Variants in TTC3 observed in about 807,000 individuals in gnomAD.
TTC3 encodes the protein tetratricopeptide repeat domain 3.
TTC3 carries 180 observed loss-of-function variants against 249.6 expected under a neutral mutation model. The ratio of observed to expected loss-of-function variants is 0.72; its 90% CI spans 0.64 to 0.82. The LOEUF is 0.82. Ranked by LOEUF, TTC3 falls within the 40% of genes least tolerant of loss-of-function variation. TTC3 has a pLI of 0.00. For missense variants in TTC3, 2,061 were observed against 2,398.4 expected (o/e 0.86, Z 2.94); for synonymous variants, 717 against 805.0 (o/e 0.89, Z 1.85).
At chr21:37,168,968 C>T (rs939449861) in intron 34 of TTC3, among the ~76,000 whole-genome samples, 1 of 152,168 alleles carries the variant, frequency 6.6e-6, no homozygotes, top group South Asian at 2.1e-4. Context: ...AGCTTCAGTT[C>T]CTTGCCTTGT....
At chr21:37,145,898 A>G (rs144147306) in intron 21 of TTC3, among the ~76,000 whole-genome samples, 1 of 152,316 alleles carries the variant, frequency 6.6e-6, no homozygotes, top group East Asian at 1.9e-4. Flanking sequence ...ATTCGTCGCC[A>G]TGACTCAAAA....
chr21:37,133,659 T>C (rs1285362040), intron 17 of TTC3, among the ~76,000 whole-genome samples: 2 of 152,178 alleles, frequency 1.3e-5, no homozygotes, highest in African/African-American at 4.8e-5. Flanking sequence ...GATTTCGGCC[T>C]GCTCTGCTGG....
intron 45 of TTC3, 50 bp downstream of exon 45, chr21:37,200,374 T>C: frequency 6.5e-7 from 1 of 1,545,374 alleles, no homozygotes; most frequent in Non-Finnish European, 8.9e-7. Flanking sequence ...GACCTTCAAA[T>C]ATTTTCAAAA....
intron 26 of TTC3, 133 bp from the exon 27 acceptor site, chr21:37,152,818 A>G: frequency 1.4e-6 from 1 of 708,884 alleles, no homozygotes; most frequent in Non-Finnish European, 2.1e-6. Flanking sequence ...TTCTAATTAA[A>G]GTTTCTTGAG....
At chr21:37,157,278 G>A in intron 28 of TTC3, 1 of 972,490 alleles carries the variant, frequency 1.0e-6, no homozygotes, top group South Asian at 1.4e-5. Context: ...GATGTTTGCA[G>A]AATCTAGAAT....
intron 36 of TTC3, among the ~76,000 whole-genome samples, chr21:37,183,310 G>C (rs572209795): frequency 6.6e-6 from 1 of 152,210 alleles, no homozygotes; most frequent in Non-Finnish European, 1.5e-5. Context: ...CTTTTATCCT[G>C]AATCTATAAA....
At chr21:37,100,284 T>C (rs2074351174) in intron 10 of TTC3, among the ~76,000 whole-genome samples, 1 of 152,100 alleles carries the variant, frequency 6.6e-6, no homozygotes, top group African/African-American at 2.4e-5. Flanking sequence ...TCTCTGTACT[T>C]TTATGTATAC....
intron 20 of TTC3, among the ~76,000 whole-genome samples, chr21:37,143,615 A>G (rs2078699614): frequency 6.6e-6 from 1 of 151,640 alleles, no homozygotes; most frequent in Non-Finnish European, 1.5e-5. Flanking sequence ...GAGGATGTGG[A>G]GAAATAGGAA....
At chr21:37,125,788 A>G (rs1280765173) in intron 14 of TTC3, among the ~76,000 whole-genome samples, 1 of 152,082 alleles carries the variant, frequency 6.6e-6, no homozygotes, top group Non-Finnish European at 1.5e-5. Flanking sequence ...TTATGTACAG[A>G]TGTGATAGTG....
At chr21:37,140,440 C>A in intron 19 of TTC3, 121 bp from the exon 20 acceptor site, 1 of 622,494 alleles carries the variant, frequency 1.6e-6, no homozygotes, top group Non-Finnish European at 2.6e-6. Context: ...AATTTTGCCA[C>A]AGGAATTTGG....
At chr21:37,138,506 T>G in intron 18 of TTC3, 128 bp from the exon 19 acceptor site, 1 of 640,878 alleles carries the variant, frequency 1.6e-6, no homozygotes, top group Non-Finnish European at 2.7e-6. Flanking sequence ...ATTAGTGAGA[T>G]TTTATGACAA....
chr21:37,127,759 G>A (rs1758520754), intron 15 of TTC3, among the ~76,000 whole-genome samples: 1 of 152,022 alleles, frequency 6.6e-6, no homozygotes, highest in South Asian at 2.1e-4. Flanking sequence ...TATTTTTTGT[G>A]ACCTGCAGCT....
exon 33 of TTC3, chr21:37,165,759 G>A: frequency 1.2e-6 from 2 of 1,613,452 alleles, no homozygotes; most frequent in Non-Finnish European, 1.7e-6. Context: ...AAGAAAAAAA[G>A]GAAGAAGAAA....
rs202179827 is a variant in TTC3, at chr21:37,160,816, G to C, written c.3054G>C (p.Lys1018Asn). The C allele has an allele frequency of 1.7e-5, 28 of 1,612,490 alleles. No homozygotes were observed. Among genetic ancestry groups the C allele is most frequent in the Non-Finnish European group, 2.4e-5 (28 of 1,179,370 alleles). ...CCATTTTTTAGTTTAGTTCAACCAA[G>C]GTGAAAAACAAAAGCAAGAAAAAGA... Residue 1018 changes from lysine to asparagine, a missense_variant, in exon 30 of 46, where the codon AAG becomes AAC. By Grantham distance (94) the Lys-to-Asn change is moderately conservative. This residue lies in a region of TTC3 where 32 missense variants were observed against 67.3 expected (regional missense o/e 0.48). Transcript: ENST00000355666.
At chr21:37,095,390 C>A (rs749487571) in exon 9 of TTC3, 2 of 1,607,710 alleles carry the variant, frequency 1.2e-6, no homozygotes, top group Admixed American at 3.4e-5. Flanking sequence ...GAAGAGTTTT[C>A]CAAAGAAAGA....
intron 26 of TTC3, among the ~76,000 whole-genome samples, chr21:37,152,672 C>G (rs564395484): frequency 1.8e-4 from 28 of 152,166 alleles, no homozygotes; most frequent in Non-Finnish European, 4.0e-4. Context: ...GCCACCACGC[C>G]TGGCCTAGAG....
chr21:37,139,490 T>C (rs2078242028), intron 19 of TTC3, among the ~76,000 whole-genome samples: 1 of 152,184 alleles, frequency 6.6e-6, no homozygotes, highest in Non-Finnish European at 1.5e-5. Flanking sequence ...TAATTTGGTC[T>C]CTATTTTTCC....
At chr21:37,194,076 CA>C (rs1202611331) in intron 41 of TTC3, 4 of 152,186 alleles carry the variant, frequency 2.6e-5, no homozygotes, top group African/African-American at 9.7e-5. Flanking sequence ...CAGTATGACG[CA>C]GGGGCAAAGC....
chr21:37,181,620 A>T (rs1478041183), intron 35 of TTC3, among the ~76,000 whole-genome samples: 2 of 152,232 alleles, frequency 1.3e-5, no homozygotes, highest in African/African-American at 2.4e-5. Context: ...TTTGCCACCT[A>T]AGAACAGTTG....
Sources: gnomAD v4.1 joint callset for allele counts (sites outside exome capture counted in the v4.1 genomes callset) on GRCh38, gnomAD v4.1.1 for gene constraint, gnomAD v4.1.1 regional missense constraint, MANE v1.5 for transcripts, NCBI Gene and HGNC (gene_info 2026-07-23, HGNC 2026-07-21) for gene names.